YAP1: variants seen among roughly 807,000 people sequenced by gnomAD.
YAP1 encodes the protein Yes1 associated transcriptional regulator, also known as transcriptional coactivator YAP1.
In YAP1, 5 loss-of-function variants were observed where a neutral mutation model predicts 56.9. The observed-to-expected ratio is 0.09, with a 90% CI of 0.05 to 0.18. The LOEUF (loss-of-function observed/expected upper bound fraction) is 0.18, where lower values mean the gene tolerates loss of function less well. Ranked by LOEUF, YAP1 falls within the 10% of genes least tolerant of loss-of-function variation. The pLI, the probability that YAP1 is intolerant of heterozygous loss-of-function variation, is 1.00. For synonymous variants in YAP1, 265 were observed against 248.1 expected, an observed-to-expected ratio of 1.07 and a Z score of -0.64; for missense variants, 539 against 651.8, an observed-to-expected ratio of 0.83 and a Z score of 1.88.
chr11:102,206,908 G>T lies in YAP1; in HGVS notation c.984+834G>T, dbSNP rs1437270763. On this transcript the variant is annotated intron_variant, in intron 5 of 8. Coordinates refer to ENST00000282441, the MANE Select transcript of YAP1 (RefSeq NM_001130145.3). ...GCTTTAAAATTACCTGCTTATGGATGTTTTTTTATTTTGGGGAAAGTAGGA... is the reference window on the plus strand; with the variant it reads ...GCTTTAAAATTACCTGCTTATGGATTTTTTTTTATTTTGGGGAAAGTAGGA... 2.0e-5 allele frequency among the ~76,000 whole-genome samples: 3 copies of T among 151,152 alleles called. No homozygotes were observed. The East Asian group carries it at 6.0e-4, about 30-fold the overall frequency.
rs534687701 is a variant in YAP1, at chr11:102,124,554, G to A, written c.572+10160G>A. Among the ~76,000 whole-genome samples the A allele has an allele frequency of 3.3e-5, 5 of 152,160 alleles. No individual in the cohort carries two copies. In the East Asian group the frequency reaches 9.6e-4, roughly 29 times the overall value. On this transcript the variant is annotated intron_variant, in intron 2 of 8. Transcript: ENST00000282441. ...AAACATTTCTTTCATTAGTTCCCGG[G>A]TAATTTCTTCCAGTCTGTTTTATCT...
At chr11:102,201,665 A>G (rs576413375) in intron 4 of YAP1, among the ~76,000 whole-genome samples, 1 of 152,218 alleles carries the variant, frequency 6.6e-6, no homozygotes, top group Non-Finnish European at 1.5e-5. Flanking sequence ...AGGACAATAC[A>G]TATTAATGTT....
chr11:102,130,269 T>C (rs1944298973), intron 2 of YAP1, among the ~76,000 whole-genome samples: 1 of 151,972 alleles, frequency 6.6e-6, no homozygotes, highest in Admixed American at 6.6e-5. Context: ...AATAAGGAAG[T>C]GTGTCAGAAT....
intron 3 of YAP1, among the ~76,000 whole-genome samples, chr11:102,183,520 A>T (rs1307884922): frequency 1.3e-5 from 2 of 152,168 alleles, no homozygotes; most frequent in Non-Finnish European, 2.9e-5. Context: ...GTGGTCAAAA[A>T]AGAGAGCTGG....
chr11:102,179,918 G>A (rs1947482399), intron 3 of YAP1, among the ~76,000 whole-genome samples: 1 of 151,456 alleles, frequency 6.6e-6, no homozygotes, highest in Admixed American at 6.6e-5. Flanking sequence ...CAGAAATTGA[G>A]CTTACATAGA....
At chr11:102,175,691 A>C (rs900024289) in intron 3 of YAP1, among the ~76,000 whole-genome samples, 1 of 152,234 alleles carries the variant, frequency 6.6e-6, no homozygotes. Context: ...CCTGGACAGC[A>C]TGTTACCGTA....
intron 2 of YAP1, among the ~76,000 whole-genome samples, chr11:102,144,190 C>T (rs1484073061): frequency 6.6e-6 from 1 of 152,148 alleles, no homozygotes; most frequent in African/African-American, 2.4e-5. Flanking sequence ...AGTGAAAATT[C>T]TTGACATTGT....
chr11:102,163,800 C>T (rs1265151142), intron 3 of YAP1, among the ~76,000 whole-genome samples: 1 of 152,118 alleles, frequency 6.6e-6, no homozygotes, highest in Non-Finnish European at 1.5e-5. Flanking sequence ...TCCTTCTGCC[C>T]CTCGTGCTGG....
Position 102,138,336 on chromosome 11 carries a change from A to G in YAP1, c.572+23942A>G, listed in dbSNP as rs77421987. Among the ~76,000 whole-genome samples the G allele has an allele frequency of 5.2e-3, 794 of 152,334 alleles. 8 individuals are homozygous for G. Among genetic ancestry groups the G allele is most frequent in the African/African-American group, 0.018 (760 of 41,570 alleles). Reference sequence around the variant, plus strand: ...TGATACTGCCTGAAGTCACTCATGCATCTGTATCTGGGAGCTATACTGGGG... The same window carrying G: ...TGATACTGCCTGAAGTCACTCATGCGTCTGTATCTGGGAGCTATACTGGGG... On this transcript the variant is annotated intron_variant, in intron 2 of 8. Coordinates refer to ENST00000282441, the MANE Select transcript of YAP1 (RefSeq NM_001130145.3).
chr11:102,201,875 A>G (rs1244291299), intron 4 of YAP1, among the ~76,000 whole-genome samples: 1 of 152,084 alleles, frequency 6.6e-6, no homozygotes, highest in Non-Finnish European at 1.5e-5. Flanking sequence ...TTCCCACTCA[A>G]AGAAATCAGG....
chr11:102,133,148 C>T (rs1356373282), intron 2 of YAP1, among the ~76,000 whole-genome samples: 1 of 146,340 alleles, frequency 6.8e-6, no homozygotes, highest in Non-Finnish European at 1.5e-5. Flanking sequence ...CAGAGTGAGA[C>T]TCCGTCTCAA....
intron 2 of YAP1, among the ~76,000 whole-genome samples, chr11:102,130,720 CTT>C (rs61175592): frequency 0.051 from 5,017 of 97,924 alleles, 111 homozygotes; most frequent in Middle Eastern, 0.083. Context: ...GATAACTACT[CTT>C]TTTTTTTTTT....
chr11:102,148,254 A>T (rs569672179), intron 2 of YAP1, among the ~76,000 whole-genome samples: 7 of 152,174 alleles, frequency 4.6e-5, no homozygotes, highest in Non-Finnish European at 8.8e-5. Context: ...CTGCAAGTAA[A>T]CATCTGACTT....
intron 6 of YAP1, among the ~76,000 whole-genome samples, chr11:102,223,395 T>G (rs1039224013): frequency 2.5e-4 from 37 of 149,804 alleles, no homozygotes; most frequent in African/African-American, 8.4e-4. Context: ...GTATATAGGG[T>G]GGGGGGTGGT....
At position 102,125,207 on chromosome 11, in the gene YAP1, A is replaced by G. The variant is rs887836629; in HGVS notation, c.572+10813A>G. Among the ~76,000 whole-genome samples, 7 of 151,780 alleles carry G rather than the reference A, an allele frequency of 4.6e-5. No individual in the cohort carries two copies. The East Asian group carries it at 1.2e-3, about 25-fold the overall frequency. On this transcript the variant is annotated intron_variant, in intron 2 of 8. Transcript: ENST00000282441. ...ATTTTTGTGTGTGTATGTTTTGTAGAGACAGGGTTTTACCATGTTGCCCAG... is the reference window on the plus strand; with the variant it reads ...ATTTTTGTGTGTGTATGTTTTGTAGGGACAGGGTTTTACCATGTTGCCCAG...
chr11:102,121,447 A>AAT (rs1243054660), intron 2 of YAP1, among the ~76,000 whole-genome samples: 1 of 151,602 alleles, frequency 6.6e-6, no homozygotes, highest in Non-Finnish European at 1.5e-5. Flanking sequence ...TCAAAAAAAA[A>AAT]AAAAACTAAA....
chr11:102,124,025 C>T (rs1051731275), intron 2 of YAP1, among the ~76,000 whole-genome samples: 1 of 149,218 alleles, frequency 6.7e-6, no homozygotes, highest in Admixed American at 6.7e-5. Context: ...GATCTCGGCT[C>T]ATCGCAATCT....
intron 2 of YAP1, among the ~76,000 whole-genome samples, chr11:102,157,360 G>A (rs1244526220): frequency 6.6e-6 from 1 of 152,192 alleles, no homozygotes; most frequent in Non-Finnish European, 1.5e-5. Flanking sequence ...TGTTCCTAGA[G>A]TCAGTTAAGC....
intron 2 of YAP1, among the ~76,000 whole-genome samples, chr11:102,155,538 CA>C (rs1356223148): frequency 6.6e-6 from 1 of 152,148 alleles, no homozygotes; most frequent in Non-Finnish European, 1.5e-5. Flanking sequence ...GTATTATTTT[CA>C]TCAAAATGGC....
Sources: gnomAD v4.1 joint callset for allele counts (sites outside exome capture counted in the v4.1 genomes callset) on GRCh38, gnomAD v4.1.1 for gene constraint, MANE v1.5 for transcripts, NCBI Gene and HGNC (gene_info 2026-07-23, HGNC 2026-07-21) for gene names.